MDN1: variants seen among roughly 807,000 people sequenced by gnomAD.
MDN1 encodes the protein midasin.
A neutral mutation model predicts 669.2 loss-of-function variants in MDN1; 266 were observed. The ratio of observed to expected loss-of-function variants is 0.40; its 90% confidence interval spans 0.36 to 0.44. MDN1 has a LOEUF of 0.44. Ranked by LOEUF, MDN1 falls within the 20% of genes least tolerant of loss-of-function variation. The pLI, the probability that MDN1 is intolerant of heterozygous loss-of-function variation, is 1.00. For missense variants in MDN1, 5,940 were observed against 6,754.0 expected (o/e 0.88, Z 4.22); for synonymous variants, 2,385 against 2,457.1 (o/e 0.97, Z 0.87).
At chr6:89,670,170 A>ATATTTTTTTTTT (rs1444537561) in intron 83 of MDN1, among the ~76,000 whole-genome samples, 15 of 23,408 alleles carry the variant, frequency 6.4e-4, no homozygotes, top group African/African-American at 2.8e-3. Context: ...ATATATATAT[A>ATATTTTTTTTTT]TTTTTTTTTT....
At chr6:89,659,859 A>G (rs573290169) in intron 88 of MDN1, among the ~76,000 whole-genome samples, 1 of 152,352 alleles carries the variant, frequency 6.6e-6, no homozygotes, top group South Asian at 2.1e-4. Flanking sequence ...ATCAGTTATT[A>G]GCAAATTCTT....
chr6:89,686,879 G>A (rs1463517568), intron 69 of MDN1, 23 bp downstream of exon 69: 3 of 1,612,408 alleles, frequency 1.9e-6, no homozygotes, highest in Admixed American at 3.4e-5. Context: ...TAAGTGGGCA[G>A]GAAATGTACT....
At chr6:89,775,811 G>A (rs1217966783) in intron 12 of MDN1, among the ~76,000 whole-genome samples, 5 of 151,978 alleles carry the variant, frequency 3.3e-5, no homozygotes, top group South Asian at 2.1e-4. Context: ...TCAGCCTCCC[G>A]AGTAGCTGGG....
chr6:89,664,708 T>C, intron 84 of MDN1, 80 bp from the exon 85 acceptor site: 2 of 1,129,598 alleles, frequency 1.8e-6, no homozygotes, highest in South Asian at 3.1e-5. Context: ...ATGCCAAGGT[T>C]AATGGTGTAA....
At chr6:89,774,433 CT>C (rs1818252186) in intron 13 of MDN1, among the ~76,000 whole-genome samples, 187 bp downstream of exon 13, 1 of 152,132 alleles carries the variant, frequency 6.6e-6, no homozygotes, top group Non-Finnish European at 1.5e-5. Context: ...CTTTCATCAC[CT>C]CTTTCACCTA....
intron 48 of MDN1, 23 bp downstream of exon 48, chr6:89,712,552 C>A: frequency 6.2e-7 from 1 of 1,605,904 alleles, no homozygotes; most frequent in South Asian, 1.1e-5. Flanking sequence ...AAACCAGAGA[C>A]ACAAGCTGAA....
At chr6:89,794,054 A>G in intron 4 of MDN1, 46 bp downstream of exon 4, 1 of 1,472,554 alleles carries the variant, frequency 6.8e-7, no homozygotes, top group Non-Finnish European at 9.3e-7. Context: ...AAAGAAAAAA[A>G]AAAAAGAAAT....
intron 20 of MDN1, among the ~76,000 whole-genome samples, chr6:89,755,768 C>T (rs1817212425): frequency 6.6e-6 from 1 of 152,156 alleles, no homozygotes; most frequent in Admixed American, 6.5e-5. Flanking sequence ...TGCATGTTGT[C>T]CATATGGCAT....
intron 16 of MDN1, 142 bp downstream of exon 16, chr6:89,762,177 G>T: frequency 1.5e-6 from 1 of 672,868 alleles, no homozygotes; most frequent in Non-Finnish European, 2.5e-6. Context: ...GAATAATGGG[G>T]CACAATACTT....
intron 12 of MDN1, among the ~76,000 whole-genome samples, chr6:89,775,730 C>T (rs969602948): frequency 2.6e-5 from 4 of 152,098 alleles, no homozygotes; most frequent in Admixed American, 6.6e-5. Flanking sequence ...CTGTCGCCCA[C>T]GTTGGAGTGC....
intron 1 of MDN1, chr6:89,815,005 CT>C: frequency 3.3e-6 from 2 of 597,924 alleles, no homozygotes; most frequent in Non-Finnish European, 5.6e-6. Flanking sequence ...CACCAAGTGT[CT>C]GGTGGAGACC....
intron 6 of MDN1, 36 bp downstream of exon 6, chr6:89,790,123 A>G (rs752461396): frequency 9.9e-6 from 16 of 1,612,834 alleles, no homozygotes; most frequent in Non-Finnish European, 1.4e-5. Flanking sequence ...ATTTACAAGC[A>G]TGACAAGCCA....
rs2128319764 is a variant in MDN1 at position 89,756,292 on chromosome 6, A to C, written c.2801T>G (p.Val934Gly). ...LKGLSVNKNT[V>G]QGIINFYTAL... ...GGGAACCTACTTTATGATTCCTTGC[A>C]CTGTATTCTTGTTCACACTCAATCC... The change falls in exon 20 of 102, where the codon GTG (valine) becomes GGG (glycine). Residue 934 changes from valine (V) to glycine (G), a missense_variant. Physicochemically the swap from Val to Gly is moderately radical, Grantham distance 109. Transcript: ENST00000369393. 1.3e-6 allele frequency: 2 copies of C among 1,564,572 alleles called. No individual in the cohort carries two copies. The highest frequency in any genetic ancestry group is 1.4e-5 in the African/African-American group (1 of 73,082).
intron 83 of MDN1, among the ~76,000 whole-genome samples, chr6:89,669,037 C>T (rs114757822): frequency 0.012 from 1,800 of 152,290 alleles, 49 homozygotes; most frequent in African/African-American, 0.041. Context: ...ACAAAGAATA[C>T]GACCACATAG....
chr6:89,747,062 C>T (rs1446529511), intron 27 of MDN1, among the ~76,000 whole-genome samples: 2 of 152,166 alleles, frequency 1.3e-5, no homozygotes, highest in African/African-American at 2.4e-5. Flanking sequence ...TTGCCTAACT[C>T]CCAAAGAGGC....
chr6:89,775,925 G>T (rs895188971), intron 12 of MDN1, among the ~76,000 whole-genome samples: 3 of 152,042 alleles, frequency 2.0e-5, no homozygotes, highest in Non-Finnish European at 4.4e-5. Flanking sequence ...CCGACCTCAG[G>T]TGATCCACCC....
chr6:89,790,081 T>C, intron 6 of MDN1, 78 bp downstream of exon 6: 1 of 1,603,646 alleles, frequency 6.2e-7, no homozygotes, highest in Middle Eastern at 1.7e-4. Flanking sequence ...ATTGTTATAT[T>C]CCCTTAGCAA....
At chr6:89,756,210 T>C (rs957677397) in intron 20 of MDN1, 67 bp downstream of exon 20, 6 of 665,354 alleles carry the variant, frequency 9.0e-6, no homozygotes, top group Non-Finnish European at 1.5e-5. Flanking sequence ...TATTTGTGTG[T>C]GTGCACGAGT....
chr6:89,758,221 A>G (rs1174552201), intron 19 of MDN1, 34 bp downstream of exon 19: 1 of 1,544,036 alleles, frequency 6.5e-7, no homozygotes, highest in African/African-American at 1.4e-5. Context: ...AACCTGTTGC[A>G]AAAAAGGAAA....
Sources: gnomAD v4.1 joint callset for allele counts (sites outside exome capture counted in the v4.1 genomes callset) on GRCh38, gnomAD v4.1.1 for gene constraint, MANE v1.5 for transcripts, NCBI Gene and HGNC (gene_info 2026-07-23, HGNC 2026-07-21) for gene names.